XRCC4: variants seen among roughly 807,000 people sequenced by gnomAD.
XRCC4 encodes the protein X-ray repair cross complementing 4.
Under a neutral mutation model 39.1 loss-of-function variants are expected in XRCC4, and 28 were observed. That is an observed-to-expected ratio of 0.72 (90% CI 0.53 to 0.98). The LOEUF (loss-of-function observed/expected upper bound fraction) is 0.98, where lower values mean the gene tolerates loss of function less well. XRCC4 is among the 50% of genes least tolerant of loss of function. The pLI is 0.00. For synonymous variants in XRCC4, 123 were observed against 126.4 expected (o/e 0.97, Z 0.18); for missense variants, 350 against 376.4 (o/e 0.93, Z 0.58).
intron 6 of XRCC4, among the ~76,000 whole-genome samples, chr5:83,228,140 A>G (rs1367612964): frequency 6.6e-6 from 1 of 152,116 alleles, no homozygotes; most frequent in African/African-American, 2.4e-5. Flanking sequence ...GAAACTAGGT[A>G]TCTATATTTT....
At chr5:83,346,058 A>G (rs1325516911) in intron 7 of XRCC4, among the ~76,000 whole-genome samples, 2 of 152,194 alleles carry the variant, frequency 1.3e-5, no homozygotes, top group Admixed American at 6.5e-5. Context: ...ACCACGTTTT[A>G]GTGAGAGTAT....
chr5:83,343,138 T>G (rs991508989), intron 7 of XRCC4, among the ~76,000 whole-genome samples: 4 of 151,990 alleles, frequency 2.6e-5, no homozygotes, highest in Non-Finnish European at 1.5e-5. Flanking sequence ...ATTTGTACAG[T>G]GCCCTTACCT....
intron 7 of XRCC4, among the ~76,000 whole-genome samples, chr5:83,284,835 A>G (rs997816209): frequency 6.6e-6 from 1 of 152,276 alleles, no homozygotes; most frequent in African/African-American, 2.4e-5. Flanking sequence ...AAATACTTAT[A>G]TACTATTAGA....
At chr5:83,300,546 TTG>T (rs70973389) in intron 7 of XRCC4, among the ~76,000 whole-genome samples, 1,742 of 126,962 alleles carry the variant, frequency 0.014, 31 homozygotes, top group African/African-American at 0.044. Context: ...TATCTTTTGT[TTG>T]TGTGTGTGTG....
intron 3 of XRCC4, among the ~76,000 whole-genome samples, chr5:83,168,212 CCAGA>C (rs1460400211): frequency 6.6e-6 from 1 of 151,952 alleles, no homozygotes; most frequent in Non-Finnish European, 1.5e-5. Flanking sequence ...AAATAACATA[CCAGA>C]CAAATACCGA....
At chr5:83,119,288 G>A (rs1325117514) in intron 3 of XRCC4, among the ~76,000 whole-genome samples, 2 of 152,156 alleles carry the variant, frequency 1.3e-5, no homozygotes, top group Non-Finnish European at 2.9e-5. Flanking sequence ...GTGGGAATAT[G>A]GGTTGCAGAT....
At chr5:83,266,834 T>C (rs1388537196) in intron 7 of XRCC4, among the ~76,000 whole-genome samples, 2 of 152,168 alleles carry the variant, frequency 1.3e-5, no homozygotes, top group East Asian at 1.9e-4. Context: ...AGCAGTGTTA[T>C]CATTACCACC....
rs867299795 is a variant in XRCC4, at chr5:83,193,337, C to A, written c.316-2433C>A. 5.3e-5 allele frequency among the ~76,000 whole-genome samples: 8 copies of A among 151,918 alleles called. 1 individual carries two copies. The highest frequency in any genetic ancestry group is 8.8e-5 in the Non-Finnish European group (6 of 67,976). ...TTTTCTTTGATTAAATTTATAGATACTTTTAGTTTATTTTTATTCTGTAGA... is the reference window on the plus strand; with the variant it reads ...TTTTCTTTGATTAAATTTATAGATAATTTTAGTTTATTTTTATTCTGTAGA... On this transcript the variant is annotated intron_variant, in intron 3 of 7. Transcript: ENST00000396027.
At chr5:83,320,483 T>A (rs975791559) in intron 7 of XRCC4, among the ~76,000 whole-genome samples, 3 of 152,008 alleles carry the variant, frequency 2.0e-5, no homozygotes, top group Non-Finnish European at 4.4e-5. Flanking sequence ...ATAAACTTAG[T>A]TCATAAAGCA....
chr5:83,240,051 G>A (rs529092963), intron 6 of XRCC4, among the ~76,000 whole-genome samples: 1 of 151,914 alleles, frequency 6.6e-6, no homozygotes, highest in Non-Finnish European at 1.5e-5. Flanking sequence ...GCATGCACCT[G>A]TAGTACCAGC....
chr5:83,079,596 A>G (rs1338501625), intron 1 of XRCC4, among the ~76,000 whole-genome samples: 1 of 152,118 alleles, frequency 6.6e-6, no homozygotes, highest in Non-Finnish European at 1.5e-5. Context: ...TGGCACAATC[A>G]TGACTCACTG....
At chr5:83,284,647 G>T (rs1754672913) in intron 7 of XRCC4, among the ~76,000 whole-genome samples, 1 of 151,966 alleles carries the variant, frequency 6.6e-6, no homozygotes, top group South Asian at 2.1e-4. Flanking sequence ...AATTTGATTT[G>T]TAAACAATCA....
chr5:83,361,279 A>T, the XRCC4 span, among the ~76,000 whole-genome samples: 5 of 152,144 alleles, frequency 3.3e-5, no homozygotes, highest in Non-Finnish European at 7.3e-5. Context: ...CACTAAAGTG[A>T]TCCTTTCTTT....
intron 6 of XRCC4, among the ~76,000 whole-genome samples, chr5:83,221,382 T>C (rs990340485): frequency 6.6e-6 from 1 of 152,104 alleles, no homozygotes; most frequent in African/African-American, 2.4e-5. Context: ...GTAAGCTGTC[T>C]AGTAATTTGT....
chr5:83,302,679 C>CAAAG (rs1421535899), intron 7 of XRCC4, among the ~76,000 whole-genome samples: 5 of 152,126 alleles, frequency 3.3e-5, no homozygotes, highest in Admixed American at 6.5e-5. Context: ...TAATAGAAAA[C>CAAAG]AAAGATTTTA....
chr5:83,254,110 T>TA (rs369384570), intron 6 of XRCC4, among the ~76,000 whole-genome samples: 11,269 of 142,968 alleles, frequency 0.079, 583 homozygotes, highest in Non-Finnish European at 0.11. Flanking sequence ...GTCTTCTATT[T>TA]AAAAAAAAAA....
chr5:83,162,100 G>A (rs2112587515), intron 3 of XRCC4, among the ~76,000 whole-genome samples: 1 of 152,304 alleles, frequency 6.6e-6, no homozygotes, highest in Non-Finnish European at 1.5e-5. Context: ...CCGGGAGGCA[G>A]AGCTTGCAGT....
chr5:83,142,101 T>C (rs2112522106), intron 3 of XRCC4, among the ~76,000 whole-genome samples: 1 of 152,334 alleles, frequency 6.6e-6, no homozygotes, highest in South Asian at 2.1e-4. Flanking sequence ...ACATTTACAT[T>C]GAATTGTGGG....
chr5:83,254,121 A>AT (rs1332327077), intron 6 of XRCC4, among the ~76,000 whole-genome samples: 2 of 150,384 alleles, frequency 1.3e-5, no homozygotes, highest in Non-Finnish European at 2.9e-5. Context: ...AAAAAAAAAA[A>AT]TCCTGGAAAT....
Sources: gnomAD v4.1 joint callset for allele counts (sites outside exome capture counted in the v4.1 genomes callset) on GRCh38, gnomAD v4.1.1 for gene constraint, MANE v1.5 for transcripts, NCBI Gene and HGNC (gene_info 2026-07-23, HGNC 2026-07-21) for gene names.